Variants in DHRS7B observed in about 807,000 individuals in gnomAD.
DHRS7B encodes the protein dehydrogenase/reductase 7B.
Under a neutral mutation model 26.4 loss-of-function variants are expected in DHRS7B, and 24 were observed. The observed-to-expected ratio is 0.91, with a 90% CI of 0.66 to 1.28. The LOEUF is 1.28. DHRS7B is among the 50% of genes most tolerant of loss of function. The probability of loss-of-function intolerance (pLI) is 0.00; values close to 1 mark genes in which losing one functional copy is unlikely to be tolerated. For synonymous variants in DHRS7B, 142 were observed against 166.4 expected (o/e 0.85, Z 1.13); for missense variants, 368 against 419.4 (o/e 0.88, Z 1.07).
At chr17:21,140,517 C>CACACACATACACACACACACAT (rs1478217865) in intron 1 of DHRS7B, among the ~76,000 whole-genome samples, 1 of 150,128 alleles carries the variant, frequency 6.7e-6, no homozygotes, top group Admixed American at 6.7e-5. Flanking sequence ...CACACACACA[C>CACACACATACACACACACACAT]ACACACACAC....
rs533062769 is a variant in DHRS7B at position 21,191,285 on chromosome 17, C to G, written c.*132C>G. 2.8e-4 allele frequency: 256 copies of G among 927,166 alleles called. No individual in the cohort carries two copies. Among genetic ancestry groups the G allele is most frequent in the Non-Finnish European group, 3.3e-4 (204 of 613,822 alleles). 57.4% of individuals were successfully genotyped at this position (927,166 alleles called of 1,614,324 possible). On this transcript the variant is annotated 3_prime_UTR_variant, in exon 7 of 7. Coordinates refer to ENST00000395511, the MANE Select transcript of DHRS7B (RefSeq NM_015510.5). ...AGTGGGAAAGACTGAAGAAACACAT[C>G]TCGTGCAGATCTGCTGGCAGAGGAC...
At chr17:21,131,625 C>G (rs78126069) in intron 1 of DHRS7B, among the ~76,000 whole-genome samples, 2,962 of 152,272 alleles carry the variant, frequency 0.019, 112 homozygotes, top group African/African-American at 0.068. Flanking sequence ...GCCTAACCTG[C>G]GAATGCAGCC....
chr17:21,169,021 T>A, intron 1 of DHRS7B: 1 of 651,454 alleles, frequency 1.5e-6, no homozygotes, highest in Non-Finnish European at 1.9e-6. Flanking sequence ...GGCTGGTTTA[T>A]TTTCATCCTG....
intron 1 of DHRS7B, among the ~76,000 whole-genome samples, chr17:21,129,716 AAAAAAAAAG>A: frequency 6.6e-6 from 1 of 151,306 alleles, no homozygotes; most frequent in East Asian, 1.9e-4. Flanking sequence ...AAAAAAAAAA[AAAAAAAAAG>A]AAAAAGAAAA....
chr17:21,181,470 G>A (rs1567629275), intron 3 of DHRS7B, among the ~76,000 whole-genome samples: 1 of 152,214 alleles, frequency 6.6e-6, no homozygotes, highest in Non-Finnish European at 1.5e-5. Flanking sequence ...TCTGGCAAGG[G>A]TCTGGTGTCT....
chr17:21,162,412 CA>C (rs1284489819), intron 1 of DHRS7B, among the ~76,000 whole-genome samples: 2 of 152,094 alleles, frequency 1.3e-5, no homozygotes, highest in African/African-American at 4.8e-5. Context: ...GCAAATAAAA[CA>C]ACACATCTGG....
intron 5 of DHRS7B, among the ~76,000 whole-genome samples, chr17:21,184,669 A>T (rs182284105): frequency 2.9e-3 from 449 of 152,268 alleles, no homozygotes; most frequent in African/African-American, 0.01. Flanking sequence ...TTGGGCAAGT[A>T]TCCCCACTTC....
intron 1 of DHRS7B, among the ~76,000 whole-genome samples, chr17:21,161,794 T>A (rs1214360670): frequency 6.6e-6 from 1 of 152,150 alleles, no homozygotes; most frequent in Non-Finnish European, 1.5e-5. Flanking sequence ...AGGCTATTTT[T>A]AAATGAAATC....
chr17:21,154,952 T>TA (rs35476920), intron 1 of DHRS7B, among the ~76,000 whole-genome samples: 3 of 152,004 alleles, frequency 2.0e-5, no homozygotes, highest in Non-Finnish European at 4.4e-5. Flanking sequence ...GGGCAACCAC[T>TA]AAAAAAAGTT....
intron 1 of DHRS7B, among the ~76,000 whole-genome samples, chr17:21,155,503 A>T (rs775957330): frequency 6.6e-6 from 1 of 152,216 alleles, no homozygotes; most frequent in Non-Finnish European, 1.5e-5. Flanking sequence ...ATGGAACTGC[A>T]GGGAGAAAGA....
intron 1 of DHRS7B, among the ~76,000 whole-genome samples, chr17:21,156,081 A>G (rs1973872775): frequency 6.6e-6 from 1 of 152,186 alleles, no homozygotes; most frequent in South Asian, 2.1e-4. Flanking sequence ...ATTAAATCCA[A>G]AGTAAGCAGA....
chr17:21,188,720 C>G lies in DHRS7B; in HGVS notation c.629C>G (p.Ser210Cys). The change falls in exon 6 of 7, where the codon TCC (serine) becomes TGC (cysteine). Residue 210 changes from serine (S) to cysteine (C), a missense_variant. Ser to Cys is a moderately radical substitution (Grantham distance 112, BLOSUM62 -1). Transcript: ENST00000395511. ...SIPFRSAYAA[S>C]KHATQAFFDC... The stretch of plus-strand genomic sequence containing the variant: ...CCGTCCACATGTGTAGATGCAGCCT[C>G]CAAGCACGCAACCCAGGCTTTCTTT... The G allele has an allele frequency of 6.3e-7, 1 of 1,595,764 alleles. No individual in the cohort carries two copies. Among genetic ancestry groups the G allele is most frequent in the Non-Finnish European group, 8.5e-7 (1 of 1,170,676 alleles).
chr17:21,191,162 C>G lies in DHRS7B; in HGVS notation c.*9C>G. 1 of 1,612,726 alleles carries G rather than the reference C, an allele frequency of 6.2e-7. No individual in the cohort carries two copies. Among genetic ancestry groups the G allele is most frequent in the Non-Finnish European group, 8.5e-7 (1 of 1,179,864 alleles). On this transcript the variant is annotated 3_prime_UTR_variant, in exon 7 of 7. Coordinates refer to ENST00000395511, the MANE Select transcript of DHRS7B (RefSeq NM_015510.5). ...AATCCAAGAACTCCTAGTACTCTGA[C>G]CAGCCAGGGCCAGGGCAGAGAAGCA...
intron 1 of DHRS7B, among the ~76,000 whole-genome samples, chr17:21,139,629 G>A (rs11204337): frequency 0.36 from 54,587 of 151,460 alleles, 10,840 homozygotes; most frequent in Non-Finnish European, 0.44. Context: ...AGCCAAGATC[G>A]CGCCACTGCA....
At chr17:21,165,237 G>T (rs1221420937) in intron 1 of DHRS7B, among the ~76,000 whole-genome samples, 1 of 152,006 alleles carries the variant, frequency 6.6e-6, no homozygotes, top group Non-Finnish European at 1.5e-5. Flanking sequence ...TCAGTGCCTT[G>T]TCCAGTTTCT....
intron 1 of DHRS7B, among the ~76,000 whole-genome samples, chr17:21,138,959 A>G (rs1435267248): frequency 6.6e-6 from 1 of 152,218 alleles, no homozygotes; most frequent in African/African-American, 2.4e-5. Context: ...TATGAAAACT[A>G]TGATAGTCAT....
At chr17:21,129,704 CA>C (rs61077377) in intron 1 of DHRS7B, among the ~76,000 whole-genome samples, 2,606 of 74,696 alleles carry the variant, frequency 0.035, 13 homozygotes, top group Middle Eastern at 0.045. Flanking sequence ...GACCCTGACT[CA>C]AAAAAAAAAA....
intron 1 of DHRS7B, among the ~76,000 whole-genome samples, chr17:21,164,561 C>T (rs902134988): frequency 2.6e-5 from 4 of 152,228 alleles, no homozygotes; most frequent in South Asian, 2.1e-4. Flanking sequence ...GTGCGGTGTT[C>T]GGCCAGCACA....
rs564133981 is a variant in DHRS7B, at chr17:21,154,749, A to C, written c.21-17269A>C. On this transcript the variant is annotated intron_variant, in intron 1 of 6. Coordinates refer to ENST00000395511, the MANE Select transcript of DHRS7B (RefSeq NM_015510.5). ...GCTTTTATATACCAATACATTATGT[A>C]TATAAATGAACATAAATATGTGTTT... Among the ~76,000 whole-genome samples, 15 of 152,368 alleles carry C rather than the reference A, an allele frequency of 9.8e-5. No individual in the cohort carries two copies. The South Asian group carries it at 3.1e-3, about 32-fold the overall frequency.
Sources: allele counts gnomAD v4.1 joint callset (sites outside exome capture counted in the v4.1 genomes callset), GRCh38; gene constraint gnomAD v4.1.1; transcripts MANE v1.5; gene names NCBI Gene and HGNC (gene_info 2026-07-23, HGNC 2026-07-21).